Variants in MTBP observed in about 807,000 individuals in gnomAD.
The protein encoded by MTBP is mdm2-binding protein.
A neutral mutation model predicts 117.0 loss-of-function variants in MTBP; 101 were observed. That is an observed-to-expected ratio of 0.86 (90% CI 0.73 to 1.02). The LOEUF (loss-of-function observed/expected upper bound fraction) is 1.02, where lower values mean the gene tolerates loss of function less well. Among genes scored for constraint, MTBP ranks in the 50% least tolerant of loss-of-function variants. MTBP has a pLI of 0.00. For missense variants in MTBP, 970 were observed against 1,030.9 expected (o/e 0.94, Z 0.81); for synonymous variants, 350 against 351.5 (o/e 1.00, Z 0.05).
intron 11 of MTBP, among the ~76,000 whole-genome samples, chr8:120,481,427 T>G (rs1014313476): frequency 7.0e-6 from 1 of 143,560 alleles, no homozygotes; most frequent in Non-Finnish European, 1.6e-5. Context: ...ATGCAAATAT[T>G]TATCATCTGG....
At chr8:120,505,747 T>C (rs1814673531) in intron 15 of MTBP, among the ~76,000 whole-genome samples, 1 of 152,218 alleles carries the variant, frequency 6.6e-6, no homozygotes, top group African/African-American at 2.4e-5. Context: ...ATTCAGTGCA[T>C]AGTGAAACCT....
chr8:120,475,263 A>G (rs1447784657), intron 11 of MTBP, among the ~76,000 whole-genome samples: 2 of 151,940 alleles, frequency 1.3e-5, no homozygotes, highest in Non-Finnish European at 2.9e-5. Context: ...TCCTAGCTTT[A>G]TCTTTTTACC....
intron 3 of MTBP, 21 bp downstream of exon 3, chr8:120,451,097 G>T (rs751544210): frequency 6.3e-7 from 1 of 1,587,704 alleles, no homozygotes; most frequent in Non-Finnish European, 8.6e-7. Flanking sequence ...TTTAAAGATA[G>T]CTACTAATGA....
At chr8:120,486,379 G>A (rs576937657) in intron 11 of MTBP, among the ~76,000 whole-genome samples, 3 of 152,012 alleles carry the variant, frequency 2.0e-5, no homozygotes, top group Non-Finnish European at 2.9e-5. Context: ...TCGGTAGCTG[G>A]GCCGGCATGT....
At position 120,514,397 on chromosome 8, in the gene MTBP, A is replaced by G. The variant is rs149442045; in HGVS notation, c.1980-1528A>G. Among the ~76,000 whole-genome samples the G allele has an allele frequency of 1.4e-3, 218 of 151,918 alleles. 3 individuals carry two copies. The highest frequency in any genetic ancestry group is 7.3e-3 in the South Asian group (35 of 4,816). On this transcript the variant is annotated intron_variant, in intron 17 of 21. Coordinates refer to ENST00000305949, the MANE Select transcript of MTBP (RefSeq NM_022045.5). The stretch of plus-strand genomic sequence containing the variant: ...TCCCCATCCCCATAACCACTATTCT[A>G]CTCTGTTTCTATGGATTTGAGTAGT...
intron 17 of MTBP, among the ~76,000 whole-genome samples, chr8:120,510,260 A>G (rs546974715): frequency 6.6e-6 from 1 of 152,304 alleles, no homozygotes; most frequent in East Asian, 1.9e-4. Flanking sequence ...GTTACTATAT[A>G]TTTTAATCAA....
At chr8:120,518,364 A>T (rs1029976793) in intron 19 of MTBP, among the ~76,000 whole-genome samples, 2 of 152,004 alleles carry the variant, frequency 1.3e-5, no homozygotes, top group African/African-American at 4.8e-5. Flanking sequence ...AATATTCTCT[A>T]CTTTTCTATG....
chr8:120,493,354 T>G (rs1814385779), intron 13 of MTBP, among the ~76,000 whole-genome samples: 1 of 152,178 alleles, frequency 6.6e-6, no homozygotes, highest in South Asian at 2.1e-4. Context: ...CTGTCTCCAT[T>G]TCTTAATCAT....
At chr8:120,447,765 G>A (rs1393610638) in intron 2 of MTBP, among the ~76,000 whole-genome samples, 1 of 152,104 alleles carries the variant, frequency 6.6e-6, no homozygotes, top group African/African-American at 2.4e-5. Context: ...GGTACATTGA[G>A]AATTAAAGTG....
chr8:120,445,597 T>C lies in MTBP; in HGVS notation c.118+9T>C, dbSNP rs976037948. 1 of 1,596,672 alleles carries C rather than the reference T, an allele frequency of 6.3e-7. No individual in the cohort carries two copies. The highest frequency in any genetic ancestry group is 8.5e-7 in the Non-Finnish European group (1 of 1,172,042). ...TACTGAGAATCAGCCGGGTAAGCGCTGGGATGAGAAAGAGCGGGAACGGCT... is the reference window on the plus strand; with the variant it reads ...TACTGAGAATCAGCCGGGTAAGCGCCGGGATGAGAAAGAGCGGGAACGGCT... On this transcript the variant is annotated intron_variant, in intron 1 of 21. Transcript: ENST00000305949.
chr8:120,467,951 G>A (rs28670170), intron 10 of MTBP, among the ~76,000 whole-genome samples: 3,512 of 152,204 alleles, frequency 0.023, 132 homozygotes, highest in African/African-American at 0.081. Context: ...ACTGCATTTA[G>A]CATCCCTAAA....
At chr8:120,499,786 G>C (rs2130598132) in intron 14 of MTBP, among the ~76,000 whole-genome samples, 1 of 152,240 alleles carries the variant, frequency 6.6e-6, no homozygotes, top group African/African-American at 2.4e-5. Context: ...TTGTCACAAA[G>C]TTGCTAAAGA....
chr8:120,502,671 A>T, intron 15 of MTBP, 62 bp downstream of exon 15: 1 of 1,031,298 alleles, frequency 9.7e-7, no homozygotes, highest in Non-Finnish European at 1.4e-6. Context: ...ATTTTTTAAA[A>T]TAGTTAAATT....
intron 14 of MTBP, among the ~76,000 whole-genome samples, chr8:120,501,190 CA>C (rs59706254): frequency 0.067 from 3,078 of 45,838 alleles, 117 homozygotes; most frequent in African/African-American, 0.11. Context: ...AACTCCATCT[CA>C]AAAAAAAAAA....
Position 120,451,292 on chromosome 8 carries a change from G to A in MTBP, c.395G>A (p.Ser132Asn). Residue 132 changes from serine to asparagine, a missense_variant, in exon 4 of 22, where the codon AGT becomes AAT. Coordinates refer to ENST00000305949, the MANE Select transcript of MTBP (RefSeq NM_022045.5). ...GAVECFEEEDSNSRESLSLAD... is the reference protein window; with the variant it reads ...GAVECFEEEDNNSRESLSLAD... ...GTTGAGTGTTTTGAAGAAGAAGACA[G>A]TAATAGCAGGGAATCATTATCCTTG... is the stretch of plus-strand genomic sequence containing the variant. 1 of 1,613,076 alleles carries A rather than the reference G, an allele frequency of 6.2e-7. No individual in the cohort carries two copies. The highest frequency in any genetic ancestry group is 8.5e-7 in the Non-Finnish European group (1 of 1,179,366).
chr8:120,502,428 T>A (rs1814605032), intron 14 of MTBP, 64 bp from the exon 15 acceptor site: 1 of 1,168,190 alleles, frequency 8.6e-7, no homozygotes, highest in Admixed American at 2.2e-5. Flanking sequence ...TAAATACACA[T>A]TTTTATTAGC....
intron 4 of MTBP, chr8:120,451,580 C>T (rs577710465): frequency 1.5e-4 from 54 of 350,610 alleles, no homozygotes; most frequent in African/African-American, 1.1e-3. Flanking sequence ...TAAATTCTGC[C>T]TAATATTTTA....
intron 5 of MTBP, among the ~76,000 whole-genome samples, chr8:120,454,379 A>AT (rs948042436): frequency 6.6e-6 from 1 of 151,950 alleles, no homozygotes; most frequent in South Asian, 2.1e-4. Flanking sequence ...TATAGAACCT[A>AT]TTTTTTTCCC....
intron 2 of MTBP, among the ~76,000 whole-genome samples, chr8:120,446,882 T>C (rs1271564594): frequency 6.6e-6 from 1 of 152,174 alleles, no homozygotes; most frequent in Non-Finnish European, 1.5e-5. Context: ...TATTTATTTA[T>C]TTCTGTTCTT....
Sources: allele counts gnomAD v4.1 joint callset (sites outside exome capture counted in the v4.1 genomes callset), GRCh38; gene constraint gnomAD v4.1.1; transcripts MANE v1.5; gene names NCBI Gene and HGNC (gene_info 2026-07-23, HGNC 2026-07-21).